RABGAP1L: variants seen among roughly 807,000 people sequenced by gnomAD.
RABGAP1L encodes rab GTPase-activating protein 1-like.
A neutral mutation model predicts 137.7 loss-of-function variants in RABGAP1L; 63 were observed. The ratio of observed to expected loss-of-function variants is 0.46; its 90% CI spans 0.37 to 0.56. The LOEUF (loss-of-function observed/expected upper bound fraction) is 0.56, where lower values mean the gene tolerates loss of function less well. Ranked by LOEUF, RABGAP1L falls within the 20% of genes least tolerant of loss-of-function variation. The pLI, the probability that RABGAP1L is intolerant of heterozygous loss-of-function variation, is 0.00. For synonymous variants in RABGAP1L, 431 were observed against 433.7 expected, an observed-to-expected ratio of 0.99 and a Z score of 0.08; for missense variants, 1,095 against 1,244.0, an observed-to-expected ratio of 0.88 and a Z score of 1.80.
chr1:174,672,696 A>G (rs1677276191), intron 14 of RABGAP1L, among the ~76,000 whole-genome samples: 1 of 151,804 alleles, frequency 6.6e-6, no homozygotes, highest in Non-Finnish European at 1.5e-5. Context: ...AATTTTATTT[A>G]TAATTTTTTC....
intron 13 of RABGAP1L, among the ~76,000 whole-genome samples, chr1:174,577,900 C>T (rs1003640926): frequency 2.6e-5 from 4 of 152,194 alleles, no homozygotes; most frequent in African/African-American, 4.8e-5. Context: ...AAATTAACCA[C>T]CCCTCTAGGG....
chr1:174,498,455 C>T (rs1156960903), intron 13 of RABGAP1L, among the ~76,000 whole-genome samples: 3 of 152,138 alleles, frequency 2.0e-5, no homozygotes, highest in Admixed American at 6.5e-5. Context: ...ATGGGAAATA[C>T]ATATATTTAA....
chr1:174,652,928 G>C (rs1486888249), intron 14 of RABGAP1L, among the ~76,000 whole-genome samples: 1 of 152,226 alleles, frequency 6.6e-6, no homozygotes, highest in Non-Finnish European at 1.5e-5. Context: ...CTCTGTCCCA[G>C]GGAGATGGGA....
chr1:174,609,848 A>C lies in RABGAP1L; in HGVS notation c.1711-27527A>C, dbSNP rs531732242. ...TTTGTACTTCTTTTCATATAAAATGAAGTAAAGCTCAATGAGCAAACCCCA... is the reference window on the plus strand; with the variant it reads ...TTTGTACTTCTTTTCATATAAAATGCAGTAAAGCTCAATGAGCAAACCCCA... On this transcript the variant is annotated intron_variant, in intron 13 of 25. Transcript: ENST00000681986. Among the ~76,000 whole-genome samples, 220 of 152,264 alleles carry C rather than the reference A, an allele frequency of 1.4e-3. 1 individual carries two copies. Among genetic ancestry groups the C allele is most frequent in the Non-Finnish European group, 2.1e-3 (144 of 67,996 alleles).
At chr1:174,771,267 C>T (rs1202237968) in intron 18 of RABGAP1L, among the ~76,000 whole-genome samples, 1 of 152,198 alleles carries the variant, frequency 6.6e-6, no homozygotes, top group Non-Finnish European at 1.5e-5. Flanking sequence ...AATTTCCTAA[C>T]TTATAAAATA....
chr1:174,864,436 A>G (rs1285563629), intron 19 of RABGAP1L, among the ~76,000 whole-genome samples: 1 of 152,252 alleles, frequency 6.6e-6, no homozygotes, highest in Non-Finnish European at 1.5e-5. Context: ...CTCACAGTTC[A>G]GCATGGCTGG....
At chr1:174,577,437 C>G (rs1349703731) in intron 13 of RABGAP1L, among the ~76,000 whole-genome samples, 3 of 151,696 alleles carry the variant, frequency 2.0e-5, no homozygotes, top group African/African-American at 7.3e-5. Flanking sequence ...TAAAAAACAC[C>G]TATAAAGTGC....
intron 11 of RABGAP1L, among the ~76,000 whole-genome samples, chr1:174,338,848 C>A (rs1304025841): frequency 6.6e-6 from 1 of 151,808 alleles, no homozygotes; most frequent in Non-Finnish European, 1.5e-5. Flanking sequence ...GACTCCTGAG[C>A]TAAGAATGGG....
chr1:174,712,473 C>A (rs752290683), intron 17 of RABGAP1L, among the ~76,000 whole-genome samples: 1 of 152,154 alleles, frequency 6.6e-6, no homozygotes, highest in Non-Finnish European at 1.5e-5. Context: ...ACTTCTGAAG[C>A]CAGCGAGACC....
chr1:174,395,165 C>T (rs1023943847), intron 13 of RABGAP1L, among the ~76,000 whole-genome samples: 1 of 152,070 alleles, frequency 6.6e-6, no homozygotes, highest in African/African-American at 2.4e-5. Context: ...ACTGGTCCCA[C>T]ATGGTTCAGG....
rs555916968 is a variant in RABGAP1L at position 174,418,494 on chromosome 1, G to A, written c.1710+24349G>A. On this transcript the variant is annotated intron_variant, in intron 13 of 25. Transcript: ENST00000681986. ...ATGGTTATAATTAAATCATGATGAT[G>A]TCTTTTTATCCTGGATAGAGATAGT... 3.9e-5 allele frequency among the ~76,000 whole-genome samples: 6 copies of A among 152,300 alleles called. No individual in the cohort carries two copies. The South Asian group carries it at 1.2e-3, about 32-fold the overall frequency.
chr1:174,615,316 C>G (rs956791429), intron 13 of RABGAP1L, among the ~76,000 whole-genome samples: 1 of 152,180 alleles, frequency 6.6e-6, no homozygotes, highest in African/African-American at 2.4e-5. Context: ...AGCTGCAGGT[C>G]TTTTGGGGTT....
At chr1:174,890,060 TCAAA>T (rs1655862011) in intron 19 of RABGAP1L, among the ~76,000 whole-genome samples, 3 of 152,212 alleles carry the variant, frequency 2.0e-5, no homozygotes, top group Non-Finnish European at 2.9e-5. Context: ...GTTTCAAAAA[TCAAA>T]CAAACGAACA....
intron 19 of RABGAP1L, among the ~76,000 whole-genome samples, chr1:174,891,486 A>G (rs906659364): frequency 6.6e-5 from 10 of 152,134 alleles, no homozygotes; most frequent in Non-Finnish European, 1.5e-4. Flanking sequence ...TGTAGTCCCT[A>G]AAGATTTTTC....
Position 174,741,822 on chromosome 1 carries a change from C to A in RABGAP1L, c.2170-10491C>A, listed in dbSNP as rs1355638819. On this transcript the variant is annotated intron_variant, in intron 17 of 25. Coordinates refer to ENST00000681986, the MANE Select transcript of RABGAP1L (RefSeq NM_001366446.1). The stretch of plus-strand genomic sequence containing the variant: ...TTTTTTTAAGTGGGGAGTTTGAGAC[C>A]AGCCTGGGCAACATGGCAAAAGCCT... 1.6e-5 allele frequency among the ~76,000 whole-genome samples: 2 copies of A among 121,876 alleles called. 1 individual carries two copies. 80.0% of individuals were successfully genotyped at this position (121,876 alleles called of 152,430 possible).
In RABGAP1L at chr1:174,993,836, TACTG is replaced by T. The variant is rs1297803761; in HGVS notation, c.*3839_*3842del. 1 of 152,250 alleles carries T rather than the reference TACTG, an allele frequency of 6.6e-6. No individual in the cohort carries two copies. The highest frequency in any genetic ancestry group is 1.5e-5 in the Non-Finnish European group (1 of 68,042). 9.4% of individuals were successfully genotyped at this position (152,250 alleles called of 1,614,324 possible). A position where few individuals can be genotyped will look rare whatever the true frequency, so the allele number is the denominator to read the frequency against. ...ACTTGCCCTTAAAAACACTCCAAAA[TACTG>T]ACTCCTTTTCTCCAATTACAAATGA... On this transcript the variant is annotated 3_prime_UTR_variant, in exon 26 of 26. Coordinates refer to ENST00000681986, the MANE Select transcript of RABGAP1L (RefSeq NM_001366446.1).
At chr1:174,976,869 A>G (rs1670689334) in intron 22 of RABGAP1L, among the ~76,000 whole-genome samples, 1 of 152,220 alleles carries the variant, frequency 6.6e-6, no homozygotes. Context: ...TTCCCCAAGG[A>G]AGAACATGCT....
At chr1:174,311,307 A>C (rs1272220280) in intron 11 of RABGAP1L, among the ~76,000 whole-genome samples, 1 of 152,182 alleles carries the variant, frequency 6.6e-6, no homozygotes, top group Non-Finnish European at 1.5e-5. Flanking sequence ...AGATGTCATG[A>C]GAATTCATTC....
At chr1:174,160,321 CAA>C (rs1664337894) in intron 1 of RABGAP1L, among the ~76,000 whole-genome samples, 1 of 152,142 alleles carries the variant, frequency 6.6e-6, no homozygotes, top group Admixed American at 6.5e-5. Flanking sequence ...ATAACTGAGT[CAA>C]AGTTTCTGAG....
Sources: allele counts gnomAD v4.1 joint callset (sites outside exome capture counted in the v4.1 genomes callset), GRCh38; gene constraint gnomAD v4.1.1; transcripts MANE v1.5; gene names NCBI Gene and HGNC (gene_info 2026-07-23, HGNC 2026-07-21).